The following RANBP2 variants were observed in gnomAD, a reference collection of about 807,000 sequenced individuals.
RANBP2 encodes the protein E3 SUMO-protein ligase RanBP2.
RANBP2 carries 57 observed loss-of-function variants against 303.6 expected under a neutral mutation model. That is an observed-to-expected ratio of 0.19 (90% confidence interval 0.15 to 0.23). RANBP2 has a LOEUF of 0.23. Ranked by LOEUF, RANBP2 falls within the 10% of genes least tolerant of loss-of-function variation. The probability of loss-of-function intolerance (pLI) is 1.00; values close to 1 mark genes in which losing one functional copy is unlikely to be tolerated. For synonymous variants in RANBP2, 1,167 were observed against 1,301.5 expected (o/e 0.90, Z 2.23); for missense variants, 3,138 against 3,780.8 (o/e 0.83, Z 4.46).
At chr2:109,643,749 A>T in the RANBP2 span, among the ~76,000 whole-genome samples, 1 of 151,670 alleles carries the variant, frequency 6.6e-6, no homozygotes. Context: ...TGGGCCACAG[A>T]GTGAGACTCC....
At chr2:108,938,890 C>G in the RANBP2 span, among the ~76,000 whole-genome samples, 252 of 148,700 alleles carry the variant, frequency 1.7e-3, 1 homozygote, top group African/African-American at 5.9e-3. Flanking sequence ...AGCAATTCTC[C>G]TGCCTCAGCC....
chr2:109,423,142 C>A, the RANBP2 span, among the ~76,000 whole-genome samples: 2 of 152,192 alleles, frequency 1.3e-5, no homozygotes, highest in African/African-American at 4.8e-5. Flanking sequence ...CCAGATGGCA[C>A]CTGAGGGACC....
At chr2:109,050,533 G>A in the RANBP2 span, among the ~76,000 whole-genome samples, 1 of 152,156 alleles carries the variant, frequency 6.6e-6, no homozygotes, top group Non-Finnish European at 1.5e-5. Context: ...GGGATTACAG[G>A]TGTGAGCCAC....
chr2:108,876,029 C>A, the RANBP2 span: 2 of 1,066,404 alleles, frequency 1.9e-6, no homozygotes, highest in Non-Finnish European at 2.8e-6. Context: ...CTGTCAGTGT[C>A]ATTGCAGATA....
At chr2:108,976,579 C>T in the RANBP2 span, among the ~76,000 whole-genome samples, 1 of 152,200 alleles carries the variant, frequency 6.6e-6, no homozygotes, top group South Asian at 2.1e-4. Context: ...ACATGAATTA[C>T]CTGGAGTTCC....
the RANBP2 span, chr2:109,490,817 G>A: frequency 3.3e-6 from 5 of 1,537,042 alleles, no homozygotes; most frequent in South Asian, 4.8e-5. Context: ...GTGCCATGGG[G>A]ATGGAGCCTC....
chr2:109,344,196 A>C, the RANBP2 span, among the ~76,000 whole-genome samples: 3 of 152,206 alleles, frequency 2.0e-5, no homozygotes, highest in Non-Finnish European at 4.4e-5. Context: ...TGAACAGCAT[A>C]GTCTCTTCCT....
At chr2:108,923,737 C>T in the RANBP2 span, among the ~76,000 whole-genome samples, 1 of 152,202 alleles carries the variant, frequency 6.6e-6, no homozygotes, top group Admixed American at 6.5e-5. Context: ...AGTGTGTGTG[C>T]CATCACATCA....
the RANBP2 span, among the ~76,000 whole-genome samples, chr2:109,657,637 C>A: frequency 6.6e-6 from 1 of 150,404 alleles, no homozygotes; most frequent in African/African-American, 2.4e-5. Context: ...AGATTAATAT[C>A]TTTTAAGCGG....
chr2:109,668,129 C>T, the RANBP2 span: 2 of 152,350 alleles, frequency 1.3e-5, no homozygotes, highest in African/African-American at 2.4e-5. Context: ...ACACATCATA[C>T]AGACTGTGCC....
the RANBP2 span, among the ~76,000 whole-genome samples, chr2:109,324,650 A>ATCCTTTCTCCTGGAAC: frequency 1.4e-3 from 214 of 152,338 alleles, no homozygotes; most frequent in Admixed American, 4.2e-3. Flanking sequence ...GGCGAAGTTG[A>ATCCTTTCTCCTGGAAC]TCCTTTCTCC....
At chr2:109,216,713 T>A in the RANBP2 span, among the ~76,000 whole-genome samples, 11 of 152,248 alleles carry the variant, frequency 7.2e-5, no homozygotes, top group Non-Finnish European at 1.5e-4. Flanking sequence ...TGGGGTCACA[T>A]GCTTGTCTGA....
At chr2:109,127,306 G>C in the RANBP2 span, 1 of 151,668 alleles carries the variant, frequency 6.6e-6, no homozygotes, top group Non-Finnish European at 1.5e-5. Flanking sequence ...GAGAGGGAGA[G>C]AGAGAAAGAG....
the RANBP2 span, among the ~76,000 whole-genome samples, chr2:109,327,954 C>G: frequency 6.6e-6 from 1 of 152,184 alleles, no homozygotes; most frequent in Non-Finnish European, 1.5e-5. Context: ...GGACAATGAC[C>G]CTGTGTCAGG....
At chr2:109,021,852 G>C in the RANBP2 span, among the ~76,000 whole-genome samples, 3 of 152,298 alleles carry the variant, frequency 2.0e-5, no homozygotes, top group East Asian at 5.8e-4. Flanking sequence ...TTTCAGGATT[G>C]TCTTTCCTGA....
chr2:109,251,543 T>C, the RANBP2 span: 2 of 765,766 alleles, frequency 2.6e-6, no homozygotes, highest in South Asian at 2.7e-5. Context: ...ATGAATCTTG[T>C]GATAGATGAA....
At chr2:108,818,378 A>G in the RANBP2 span, among the ~76,000 whole-genome samples, 1 of 152,304 alleles carries the variant, frequency 6.6e-6, no homozygotes, top group Middle Eastern at 3.4e-3. Flanking sequence ...AGAGAATAAT[A>G]TTTAGCACGT....
At chr2:109,486,559 T>C in the RANBP2 span, among the ~76,000 whole-genome samples, 1 of 152,230 alleles carries the variant, frequency 6.6e-6, no homozygotes, top group Non-Finnish European at 1.5e-5. Context: ...GATGCATTAG[T>C]CCTTTAAAAG....
chr2:108,755,930 G>A (rs1676280880), intron 17 of RANBP2, among the ~76,000 whole-genome samples: 1 of 152,024 alleles, frequency 6.6e-6, no homozygotes, highest in African/African-American at 2.4e-5. Flanking sequence ...CACCATGTTG[G>A]CCAAGCTGTT....
Sources: allele counts gnomAD v4.1 joint callset (sites outside exome capture counted in the v4.1 genomes callset), GRCh38; gene constraint gnomAD v4.1.1; transcripts MANE v1.5; gene names NCBI Gene and HGNC (gene_info 2026-07-23, HGNC 2026-07-21).